The following HMBOX1 variants were observed in gnomAD, a reference collection of about 807,000 sequenced individuals.
The protein encoded by HMBOX1 is homeobox containing 1.
In HMBOX1, 14 loss-of-function variants were observed where a neutral mutation model predicts 54.5. That is an observed-to-expected ratio of 0.26 (90% confidence interval 0.17 to 0.40). The LOEUF is 0.40. Among genes scored for constraint, HMBOX1 ranks in the 10% least tolerant of loss-of-function variants. The probability of loss-of-function intolerance (pLI) is 1.00; values close to 1 mark genes in which losing one functional copy is unlikely to be tolerated. For synonymous variants in HMBOX1, 160 were observed against 181.0 expected, an observed-to-expected ratio of 0.88 and a Z score of 0.93; for missense variants, 332 against 514.4, an observed-to-expected ratio of 0.65 and a Z score of 3.43.
At chr8:28,956,658 C>T (rs1824509230) in intron 1 of HMBOX1, among the ~76,000 whole-genome samples, 1 of 152,080 alleles carries the variant, frequency 6.6e-6, no homozygotes, top group African/African-American at 2.4e-5. Flanking sequence ...TTTATTCTGT[C>T]CTGCTCATTT....
rs1452287537 is a variant in HMBOX1 at position 29,018,829 on chromosome 8, C to T, written c.767C>T (p.Pro256Leu). ...CCTGAATGGAGACAAACGCCTCCCCCAGTCTCTGCCACATCTGGTACTTTC... is the reference window on the plus strand; with the variant it reads ...CCTGAATGGAGACAAACGCCTCCCCTAGTCTCTGCCACATCTGGTACTTTC... ...EDPEWRQTPP[P>L]VSATSGTFRL... The change falls in exon 6 of 10, where the codon CCA (proline) becomes CTA (leucine). Residue 256 changes from proline to leucine, a missense_variant. By Grantham distance (98) the Pro-to-Leu change is moderately conservative (BLOSUM62 -3). Coordinates refer to ENST00000287701, the MANE Select transcript of HMBOX1 (RefSeq NM_001135726.3). 3 of 1,614,012 alleles carry T rather than the reference C, an allele frequency of 1.9e-6. No homozygotes were observed. Among genetic ancestry groups the T allele is most frequent in the Non-Finnish European group, 2.5e-6 (3 of 1,179,952 alleles).
chr8:29,009,539 T>C (rs1270636785), intron 5 of HMBOX1: 1 of 913,850 alleles, frequency 1.1e-6, no homozygotes, highest in East Asian at 1.0e-4. Flanking sequence ...TTTTTTTTTT[T>C]TTTTTGCAAA....
At chr8:28,903,723 A>G (rs1049982539) in intron 1 of HMBOX1, among the ~76,000 whole-genome samples, 8 of 152,244 alleles carry the variant, frequency 5.3e-5, no homozygotes, top group South Asian at 2.1e-4. Context: ...GAGTTGATCA[A>G]TTGATTTTAA....
chr8:28,905,821 G>A (rs1814216165), intron 1 of HMBOX1, among the ~76,000 whole-genome samples: 1 of 152,152 alleles, frequency 6.6e-6, no homozygotes, highest in African/African-American at 2.4e-5. Flanking sequence ...CCATCAGCCA[G>A]TCTCCTGCAC....
intron 1 of HMBOX1, among the ~76,000 whole-genome samples, chr8:28,938,917 G>A (rs1820860438): frequency 6.6e-6 from 1 of 152,152 alleles, no homozygotes; most frequent in South Asian, 2.1e-4. Flanking sequence ...AGCATTTTGG[G>A]AGGCCAAGGT....
intron 1 of HMBOX1, among the ~76,000 whole-genome samples, chr8:28,945,085 T>C (rs1822181496): frequency 6.6e-6 from 1 of 152,234 alleles, no homozygotes; most frequent in African/African-American, 2.4e-5. Flanking sequence ...ACAAATACTA[T>C]TTTGTGTGAC....
intron 4 of HMBOX1, among the ~76,000 whole-genome samples, chr8:28,982,094 G>A (rs1308650255): frequency 2.0e-5 from 3 of 152,150 alleles, no homozygotes; most frequent in Admixed American, 6.5e-5. Context: ...AAAGCCAGGC[G>A]TGGTGGCGGG....
At chr8:28,931,026 A>T (rs561723505) in intron 1 of HMBOX1, among the ~76,000 whole-genome samples, 29 of 152,190 alleles carry the variant, frequency 1.9e-4, no homozygotes, top group Non-Finnish European at 4.0e-4. Flanking sequence ...CATTTTGGGA[A>T]TGATTTGTCT....
intron 6 of HMBOX1, among the ~76,000 whole-genome samples, chr8:29,024,970 C>G (rs538660401): frequency 6.6e-6 from 1 of 150,880 alleles, no homozygotes; most frequent in Admixed American, 6.6e-5. Flanking sequence ...CTCCCTACCC[C>G]CCACCCCGTC....
chr8:29,008,990 C>T, intron 4 of HMBOX1, 82 bp from the exon 5 acceptor site: 3 of 1,052,166 alleles, frequency 2.9e-6, no homozygotes, highest in Non-Finnish European at 4.3e-6. Context: ...ATAAAGCACC[C>T]AGTAACCTAG....
chr8:28,946,016 G>C (rs1318064148), intron 1 of HMBOX1, among the ~76,000 whole-genome samples: 1 of 147,994 alleles, frequency 6.8e-6, no homozygotes, highest in African/African-American at 2.5e-5. Flanking sequence ...GCAATGGCAC[G>C]ATCTTGGCTC....
At chr8:28,981,695 A>G (rs1829362952) in intron 4 of HMBOX1, among the ~76,000 whole-genome samples, 1 of 152,168 alleles carries the variant, frequency 6.6e-6, no homozygotes, top group Non-Finnish European at 1.5e-5. Flanking sequence ...GGACTTTTAA[A>G]ATAGTAGCTT....
At chr8:28,898,883 G>A (rs1246438653) in intron 1 of HMBOX1, among the ~76,000 whole-genome samples, 4 of 152,136 alleles carry the variant, frequency 2.6e-5, no homozygotes, top group African/African-American at 9.7e-5. Flanking sequence ...GGGAGGTAGC[G>A]TGGAAAGCAC....
intron 4 of HMBOX1, among the ~76,000 whole-genome samples, chr8:28,990,020 G>C (rs369947267): frequency 6.6e-6 from 1 of 152,058 alleles, no homozygotes; most frequent in South Asian, 2.1e-4. Flanking sequence ...TCATAGGTCA[G>C]TTGGTTTTAT....
chr8:28,982,062 T>G (rs1829423469), intron 4 of HMBOX1, among the ~76,000 whole-genome samples: 1 of 151,814 alleles, frequency 6.6e-6, no homozygotes, highest in Admixed American at 6.6e-5. Context: ...ACGGTGAAAC[T>G]CTGTCTCTAC....
chr8:28,967,734 TC>T (rs557456938), intron 2 of HMBOX1, among the ~76,000 whole-genome samples: 101 of 152,344 alleles, frequency 6.6e-4, no homozygotes, highest in Admixed American at 2.0e-3. Flanking sequence ...TTAATTTTTT[TC>T]ATTACAAAAT....
At chr8:28,891,787 T>C (rs1436903279) in intron 1 of HMBOX1, 3 of 152,282 alleles carry the variant, frequency 2.0e-5, no homozygotes, top group African/African-American at 4.8e-5. Context: ...TGAAGAAGCA[T>C]TGGGTGAGTA....
intron 1 of HMBOX1, among the ~76,000 whole-genome samples, chr8:28,927,233 A>AG (rs1818671154): frequency 6.6e-6 from 1 of 152,260 alleles, no homozygotes; most frequent in South Asian, 2.1e-4. Context: ...GTATCAAAAT[A>AG]TCTCTTGTAA....
intron 3 of HMBOX1, 34 bp from the exon 4 acceptor site, chr8:28,980,037 A>T: frequency 6.9e-7 from 1 of 1,457,778 alleles, no homozygotes; most frequent in Non-Finnish European, 9.6e-7. Context: ...TACCTTCAAC[A>T]TACATTGTTG....
Sources: gnomAD v4.1 joint callset for allele counts (sites outside exome capture counted in the v4.1 genomes callset) on GRCh38, gnomAD v4.1.1 for gene constraint, MANE v1.5 for transcripts, NCBI Gene and HGNC (gene_info 2026-07-23, HGNC 2026-07-21) for gene names.